AKNAD1: variants seen among roughly 807,000 people sequenced by gnomAD.
AKNAD1 encodes protein AKNAD1.
AKNAD1 carries 67 observed loss-of-function variants against 90.8 expected under a neutral mutation model. That is an observed-to-expected ratio of 0.74 (90% CI 0.61 to 0.90). AKNAD1 has a LOEUF of 0.90. Ranked by LOEUF, AKNAD1 falls within the 40% of genes least tolerant of loss-of-function variation. The probability of loss-of-function intolerance (pLI) is 0.00; values close to 1 mark genes in which losing one functional copy is unlikely to be tolerated. For missense variants in AKNAD1, 957 were observed against 975.4 expected, an observed-to-expected ratio of 0.98 and a Z score of 0.25; for synonymous variants, 327 against 341.4, an observed-to-expected ratio of 0.96 and a Z score of 0.46.
chr1:108,857,182 CTT>C (rs1665074395), upstream of AKNAD1: 1 of 152,366 alleles, frequency 6.6e-6, no homozygotes, highest in South Asian at 2.1e-4. Context: ...GAGATGAACA[CTT>C]TGAGCAAACA....
chr1:108,836,469 G>A (rs1275090268), intron 7 of AKNAD1, among the ~76,000 whole-genome samples: 1 of 151,890 alleles, frequency 6.6e-6, no homozygotes, highest in Non-Finnish European at 1.5e-5. Flanking sequence ...ATTCCTCCAG[G>A]TGCGGGGGAT....
At chr1:108,833,318 C>T (rs1287614223) in intron 9 of AKNAD1, among the ~76,000 whole-genome samples, 1 of 152,196 alleles carries the variant, frequency 6.6e-6, no homozygotes, top group African/African-American at 2.4e-5. Context: ...CGCAGTGGCT[C>T]ATGCCTGTAA....
At chr1:108,827,347 C>A in intron 10 of AKNAD1, 45 bp from the exon 11 acceptor site, 2 of 1,395,030 alleles carry the variant, frequency 1.4e-6, no homozygotes, top group Non-Finnish European at 2.0e-6. Flanking sequence ...AGTGCATTTC[C>A]AATAGATAGG....
rs376688014 is a variant in AKNAD1, at chr1:108,843,159, T to C, written c.1354A>G (p.Ile452Val). 332 of 1,614,174 alleles carry C rather than the reference T, an allele frequency of 2.1e-4. 2 individuals are homozygous for C. The South Asian group carries it at 2.4e-3, about 12-fold the overall frequency. The change falls in exon 6 of 16, where the codon ATC becomes GTC. Residue 452 changes from isoleucine to valine, a missense_variant. Physicochemically the swap from Ile to Val is conservative, Grantham distance 29. Coordinates refer to ENST00000370001, the MANE Select transcript of AKNAD1 (RefSeq NM_152763.5). ...CTTTCTGGATCAAAGTCACCAACGATTGTTGATTCGTGCTTGTGGACTTGC... is the reference window on the plus strand; with the variant it reads ...CTTTCTGGATCAAAGTCACCAACGACTGTTGATTCGTGCTTGTGGACTTGC... ...QQQVHKHESTIVGDFDPERKV... is the reference protein window; with the variant it reads ...QQQVHKHESTVVGDFDPERKV...
chr1:108,817,357 A>G, intron 14 of AKNAD1, 180 bp from the exon 15 acceptor site: 1 of 633,896 alleles, frequency 1.6e-6, no homozygotes. Flanking sequence ...GCTTCAGAAA[A>G]TGGTTGTTGC....
At chr1:108,839,540 T>C (rs542909041) in intron 6 of AKNAD1, among the ~76,000 whole-genome samples, 1 of 150,220 alleles carries the variant, frequency 6.7e-6, no homozygotes, top group Admixed American at 6.6e-5. Flanking sequence ...TTTATTAACA[T>C]ATTCCACTAA....
At chr1:108,830,433 G>T in intron 10 of AKNAD1, 126 bp downstream of exon 10, 1 of 840,772 alleles carries the variant, frequency 1.2e-6, no homozygotes, top group Non-Finnish European at 1.9e-6. Context: ...CTGTGCCCAG[G>T]CCTGAGATCT....
At chr1:108,852,905 C>G (rs998340633) in intron 1 of AKNAD1, 138 bp from the exon 2 acceptor site, 10 of 358,282 alleles carry the variant, frequency 2.8e-5, no homozygotes, top group Non-Finnish European at 3.5e-5. Context: ...CACAAGCTGA[C>G]CCAACCTCAA....
At chr1:108,855,882 T>A (rs200593944) in intron 1 of AKNAD1, among the ~76,000 whole-genome samples, 1 of 127,892 alleles carries the variant, frequency 7.8e-6, no homozygotes. Context: ...GAGTATCTTT[T>A]TTTTTTTTTT....
chr1:108,854,161 G>A (rs1300787943), intron 1 of AKNAD1, among the ~76,000 whole-genome samples: 5 of 152,184 alleles, frequency 3.3e-5, no homozygotes, highest in Non-Finnish European at 7.3e-5. Flanking sequence ...AGTAAAACCA[G>A]CTGCCATTTG....
chr1:108,831,742 TCAGCCCCC>T (rs1249570053), intron 9 of AKNAD1, among the ~76,000 whole-genome samples: 2 of 146,918 alleles, frequency 1.4e-5, no homozygotes, highest in African/African-American at 5.2e-5. Flanking sequence ...TTCTTCTGGC[TCAGCCCCC>T]CAAGTAGCTG....
chr1:108,836,394 T>C (rs1446537123), intron 7 of AKNAD1, among the ~76,000 whole-genome samples: 1 of 149,120 alleles, frequency 6.7e-6, no homozygotes, highest in African/African-American at 2.5e-5. Context: ...GATTCAAAGA[T>C]GAGTGCAGAG....
At chr1:108,847,472 A>T (rs72697192) in intron 5 of AKNAD1, among the ~76,000 whole-genome samples, 31 of 151,370 alleles carry the variant, frequency 2.0e-4, no homozygotes, top group African/African-American at 7.5e-4. Context: ...AAAAAAAAAA[A>T]CCTTCAATGC....
At chr1:108,852,901 C>G in intron 1 of AKNAD1, 134 bp from the exon 2 acceptor site, 4 of 386,126 alleles carry the variant, frequency 1.0e-5, no homozygotes, top group South Asian at 1.0e-4. Context: ...CAACCACAAG[C>G]TGACCCAACC....
In AKNAD1 at chr1:108,832,516, C is replaced by T. The variant is rs537110986; in HGVS notation, c.1747-1866G>A. Among the ~76,000 whole-genome samples, 4 of 152,320 alleles carry T rather than the reference C, an allele frequency of 2.6e-5. No individual in the cohort carries two copies. In the East Asian group the frequency reaches 7.7e-4, roughly 29 times the overall value. The stretch of plus-strand genomic sequence containing the variant: ...CTGGGATTACAGGCGCGAGCCACTG[C>T]ACCCGGCCAGTATGCTTGTGTTCTT... On this transcript the variant is annotated intron_variant, in intron 9 of 15. Coordinates refer to ENST00000370001, the MANE Select transcript of AKNAD1 (RefSeq NM_152763.5).
At position 108,850,192 on chromosome 1, in the gene AKNAD1, C is replaced by G. The variant is rs575975099; in HGVS notation, c.994-616G>C. On this transcript the variant is annotated intron_variant, in intron 2 of 15. Transcript: ENST00000370001. ...ACCTTGTGGGGTCTTTCCTTTGTTC[C>G]CAACACATAAAGCTCAGAAACACGC... is the stretch of plus-strand genomic sequence containing the variant. Among the ~76,000 whole-genome samples the G allele has an allele frequency of 2.0e-5, 3 of 152,296 alleles. No homozygotes were observed. The East Asian group carries it at 5.8e-4, about 29-fold the overall frequency.
At chr1:108,816,358 C>G (rs1663599423) in intron 15 of AKNAD1, 56 bp from the exon 16 acceptor site, 1 of 1,537,566 alleles carries the variant, frequency 6.5e-7, no homozygotes, top group Non-Finnish European at 8.8e-7. Flanking sequence ...TGTTTCTGTT[C>G]TTTGGGTTCT....
Position 108,851,748 on chromosome 1 carries a change from G to T in AKNAD1, c.917C>A (p.Thr306Lys). The T allele has an allele frequency of 1.2e-6, 2 of 1,612,280 alleles. No individual in the cohort carries two copies. Among genetic ancestry groups the T allele is most frequent in the Non-Finnish European group, 1.7e-6 (2 of 1,179,430 alleles). ...TTTTTCAACACAGTTTGACTCAGGC[G>T]TGGTTTCTAGACTATCTTGCACAAG... ...PTLVQDSLET[T>K]PESNCVEKQH... The change falls in exon 2 of 16, where the codon ACG (threonine) becomes AAG (lysine). Residue 306 changes from threonine (T) to lysine (K), a missense_variant. Physicochemically the swap from Thr to Lys is moderately conservative, Grantham distance 78 (BLOSUM62 -1). Transcript: ENST00000370001.
At position 108,848,701 on chromosome 1, in the gene AKNAD1, C is replaced by A. The variant is rs767188446; in HGVS notation, c.1245+51G>T. On this transcript the variant is annotated intron_variant, in intron 5 of 15. Coordinates refer to ENST00000370001, the MANE Select transcript of AKNAD1 (RefSeq NM_152763.5). ...GCACTATAAAGTTATTTATCTTTAT[C>A]CAAGCCATATTCTCTAATCAAGATT... is the stretch of plus-strand genomic sequence containing the variant. The A allele has an allele frequency of 2.0e-6, 3 of 1,490,044 alleles. No individual in the cohort carries two copies. The Admixed American group carries it at 5.8e-5, about 29-fold the overall frequency. The allele number at this position is 1,490,044 out of a possible 1,614,324, so 92.3% of individuals were successfully genotyped here.
Sources: allele counts gnomAD v4.1 joint callset (sites outside exome capture counted in the v4.1 genomes callset), GRCh38; gene constraint gnomAD v4.1.1; transcripts MANE v1.5; gene names NCBI Gene and HGNC (gene_info 2026-07-23, HGNC 2026-07-21).